Variants in NKAIN3 observed in about 807,000 individuals in gnomAD.
NKAIN3 encodes sodium/potassium transporting ATPase interacting 3.
NKAIN3 carries 25 observed loss-of-function variants against 30.2 expected under a neutral mutation model. That is an observed-to-expected ratio of 0.83 (90% CI 0.60 to 1.16). The LOEUF is 1.16. NKAIN3 is among the 50% of genes most tolerant of loss of function. NKAIN3 has a pLI of 0.00. For missense variants in NKAIN3, 225 were observed against 254.1 expected (o/e 0.89, Z 0.78); for synonymous variants, 91 against 89.6 (o/e 1.02, Z -0.09).
intron 4 of NKAIN3, among the ~76,000 whole-genome samples, chr8:62,862,492 C>G (rs1820281364): frequency 6.6e-6 from 1 of 151,608 alleles, no homozygotes; most frequent in Non-Finnish European, 1.5e-5. Flanking sequence ...ATAAAGAGTG[C>G]AATTAAAAAT....
rs530131912 is a variant in NKAIN3 at position 62,709,063 on chromosome 8, G to C, written c.274-37869G>C. On this transcript the variant is annotated intron_variant, in intron 3 of 6. Coordinates refer to ENST00000623646, the MANE Select transcript of NKAIN3 (RefSeq NM_001304533.3). ...GTGTTAAACCATCCCTGCATCCCTG[G>C]TGTGAAACCCACTTGATCATGGTGG... Among the ~76,000 whole-genome samples the C allele has an allele frequency of 3.3e-4, 50 of 152,224 alleles. No individual in the cohort carries two copies. The East Asian group carries it at 9.5e-3, about 29-fold the overall frequency.
At chr8:62,637,630 G>T (rs1413970295) in intron 3 of NKAIN3, among the ~76,000 whole-genome samples, 1 of 152,090 alleles carries the variant, frequency 6.6e-6, no homozygotes, top group Non-Finnish European at 1.5e-5. Flanking sequence ...ACTCAAGGGG[G>T]TACTAGAATT....
At chr8:62,954,160 G>A (rs1823357163) in intron 6 of NKAIN3, among the ~76,000 whole-genome samples, 188 bp downstream of exon 6, 3 of 152,258 alleles carry the variant, frequency 2.0e-5, no homozygotes, top group South Asian at 2.1e-4. Context: ...AGGATTTGAA[G>A]CTGGTGACAT....
chr8:62,552,660 G>A (rs1809252651), intron 1 of NKAIN3, among the ~76,000 whole-genome samples: 1 of 152,152 alleles, frequency 6.6e-6, no homozygotes, highest in Non-Finnish European at 1.5e-5. Flanking sequence ...TGACAAGTAT[G>A]TACACTTTCA....
intron 1 of NKAIN3, among the ~76,000 whole-genome samples, chr8:62,448,222 T>A (rs1167007645): frequency 1.3e-5 from 2 of 151,738 alleles, no homozygotes; most frequent in Admixed American, 6.6e-5. Context: ...AGAAGCAAAT[T>A]AGTGTTTCCG....
chr8:62,366,173 T>C (rs1816731117), intron 1 of NKAIN3, among the ~76,000 whole-genome samples: 1 of 152,022 alleles, frequency 6.6e-6, no homozygotes, highest in Non-Finnish European at 1.5e-5. Context: ...TTAAGTCATC[T>C]AGTTTGTTGG....
Position 62,360,723 on chromosome 8 carries a change from T to C in NKAIN3, c.54+111596T>C, listed in dbSNP as rs569595973. On this transcript the variant is annotated intron_variant, in intron 1 of 6. Coordinates refer to ENST00000623646, the MANE Select transcript of NKAIN3 (RefSeq NM_001304533.3). ...CTGACTAATATTGTCAGTGGGGTGT[T>C]AAAGTCTCCCACTATTATTGTGTGG... Among the ~76,000 whole-genome samples the C allele has an allele frequency of 6.6e-5, 10 of 152,194 alleles. No homozygotes were observed. The East Asian group carries it at 1.9e-3, about 30-fold the overall frequency.
intron 1 of NKAIN3, among the ~76,000 whole-genome samples, chr8:62,355,896 A>G (rs1255442251): frequency 6.6e-6 from 1 of 152,184 alleles, no homozygotes; most frequent in Non-Finnish European, 1.5e-5. Flanking sequence ...TAAATATATT[A>G]GAAAGCTTTG....
rs73261465 is a variant in NKAIN3, at chr8:62,444,025, A to G, written c.55-135514A>G. ...ATAGCTTGCCTAAAGATAAACAGTT[A>G]ATGGTTCCAATACTTGAACCTGAGC... On this transcript the variant is annotated intron_variant, in intron 1 of 6. Coordinates refer to ENST00000623646, the MANE Select transcript of NKAIN3 (RefSeq NM_001304533.3). Among the ~76,000 whole-genome samples the G allele has an allele frequency of 2.2e-3, 337 of 152,256 alleles. 2 individuals carry two copies. The highest frequency in any genetic ancestry group is 7.1e-3 in the African/African-American group (296 of 41,572).
chr8:62,488,819 A>G (rs1806981606), intron 1 of NKAIN3, among the ~76,000 whole-genome samples: 2 of 152,188 alleles, frequency 1.3e-5, no homozygotes, highest in African/African-American at 2.4e-5. Context: ...GTAGGGCTGT[A>G]TTAATCAGAG....
At chr8:62,458,994 G>A (rs1350226591) in intron 1 of NKAIN3, among the ~76,000 whole-genome samples, 1 of 150,318 alleles carries the variant, frequency 6.7e-6, no homozygotes, top group African/African-American at 2.5e-5. Flanking sequence ...CTGATAGGAT[G>A]AAAGATTAGA....
intron 6 of NKAIN3, among the ~76,000 whole-genome samples, chr8:62,954,199 T>A (rs1197491568): frequency 6.6e-6 from 1 of 152,204 alleles, no homozygotes; most frequent in Non-Finnish European, 1.5e-5. Flanking sequence ...AATAGTTCTG[T>A]CTTATTCCCC....
At chr8:62,849,022 G>A (rs1449746737) in intron 4 of NKAIN3, among the ~76,000 whole-genome samples, 1 of 152,096 alleles carries the variant, frequency 6.6e-6, no homozygotes, top group Non-Finnish European at 1.5e-5. Flanking sequence ...CAACTTGATT[G>A]TGGTGGATAA....
intron 4 of NKAIN3, among the ~76,000 whole-genome samples, chr8:62,809,550 T>C (rs1818420681): frequency 1.3e-5 from 2 of 152,182 alleles, no homozygotes; most frequent in Non-Finnish European, 2.9e-5. Flanking sequence ...CAAAAGCATG[T>C]GTGTATGAAG....
At chr8:62,295,956 T>C (rs2129587484) in intron 1 of NKAIN3, among the ~76,000 whole-genome samples, 1 of 152,324 alleles carries the variant, frequency 6.6e-6, no homozygotes, top group African/African-American at 2.4e-5. Flanking sequence ...AATGTTCTGC[T>C]TTAGCCAAGA....
At chr8:62,744,007 C>A (rs1472594095) in intron 3 of NKAIN3, among the ~76,000 whole-genome samples, 1 of 152,020 alleles carries the variant, frequency 6.6e-6, no homozygotes, top group Non-Finnish European at 1.5e-5. Context: ...GATTTTATGG[C>A]CAGCTGTGGG....
intron 4 of NKAIN3, among the ~76,000 whole-genome samples, chr8:62,775,878 T>G (rs902685985): frequency 6.6e-6 from 1 of 152,126 alleles, no homozygotes; most frequent in Non-Finnish European, 1.5e-5. Context: ...TGTCCAATGC[T>G]GAAAGTGGGG....
intron 1 of NKAIN3, among the ~76,000 whole-genome samples, chr8:62,499,881 C>A (rs1182550703): frequency 6.7e-6 from 1 of 150,118 alleles, no homozygotes; most frequent in South Asian, 2.1e-4. Flanking sequence ...CTTTTTGTGT[C>A]CTTGTCACAA....
intron 4 of NKAIN3, among the ~76,000 whole-genome samples, chr8:62,804,430 C>T (rs192612601): frequency 0.015 from 2,341 of 152,270 alleles, 75 homozygotes; most frequent in African/African-American, 0.053. Flanking sequence ...AATCCAGCAG[C>T]ACATCAAAAA....
Sources: gnomAD v4.1 joint callset for allele counts (sites outside exome capture counted in the v4.1 genomes callset) on GRCh38, gnomAD v4.1.1 for gene constraint, MANE v1.5 for transcripts, NCBI Gene and HGNC (gene_info 2026-07-23, HGNC 2026-07-21) for gene names.